The following PRKD3 variants were observed in gnomAD, a reference collection of about 807,000 sequenced individuals.
The protein encoded by PRKD3 is serine/threonine-protein kinase D3.
A neutral mutation model predicts 99.2 loss-of-function variants in PRKD3; 47 were observed. The observed-to-expected ratio is 0.47, with a 90% CI of 0.38 to 0.60. The LOEUF is 0.60. Among genes scored for constraint, PRKD3 ranks in the 20% least tolerant of loss-of-function variants. The pLI is 0.00. For synonymous variants in PRKD3, 392 were observed against 355.4 expected (o/e 1.10, Z -1.16); for missense variants, 1,019 against 1,088.4 (o/e 0.94, Z 0.90).
rs545818208 is a variant in PRKD3 at position 37,297,654 on chromosome 2, A to G, written c.289-4383T>C. On this transcript the variant is annotated intron_variant, in intron 2 of 18. Coordinates refer to ENST00000234179, the MANE Select transcript of PRKD3 (RefSeq NM_005813.6). ...TCTCAGACTTTGCTGGATTTTAACA[A>G]TCTTGGCTGTTTTGAGAAGTTCTGG... Among the ~76,000 whole-genome samples, 27 of 152,302 alleles carry G rather than the reference A, an allele frequency of 1.8e-4. 2 individuals carry two copies. The South Asian group carries it at 5.6e-3, about 32-fold the overall frequency.
intron 2 of PRKD3, among the ~76,000 whole-genome samples, chr2:37,312,488 G>C (rs547916979): frequency 6.6e-6 from 1 of 152,270 alleles, no homozygotes; most frequent in East Asian, 1.9e-4. Flanking sequence ...TTATAGCTCT[G>C]CCTTCTTGTT....
intron 6 of PRKD3, among the ~76,000 whole-genome samples, chr2:37,283,082 G>A (rs1466671170): frequency 6.6e-6 from 1 of 152,218 alleles, no homozygotes; most frequent in Non-Finnish European, 1.5e-5. Flanking sequence ...TCCAGCACAA[G>A]GCCTCCCACT....
chr2:37,255,419 A>G (rs564645654), intron 17 of PRKD3, among the ~76,000 whole-genome samples: 1 of 152,214 alleles, frequency 6.6e-6, no homozygotes, highest in African/African-American at 2.4e-5. Flanking sequence ...TGTTTTAAGT[A>G]GTGTACTTGT....
In PRKD3 at chr2:37,254,224, G is replaced by C. The variant is rs1292662626; in HGVS notation, c.2479C>G (p.Leu827Val). The C allele has an allele frequency of 6.2e-7, 1 of 1,611,480 alleles. No individual in the cohort carries two copies. Among genetic ancestry groups the C allele is most frequent in the African/African-American group, 1.3e-5 (1 of 74,858 alleles). Reference sequence around the variant, plus strand: ...TTTACCTGTAGCCAGGGATGACTAAGAGATTTGTCAACACTGTAACGTTTT... The same window carrying C: ...TTTACCTGTAGCCAGGGATGACTAACAGATTTGTCAACACTGTAACGTTTT... Reference protein sequence around the residue: ...MRKRYSVDKSLSHPWLQDYQT... With the variant: ...MRKRYSVDKSVSHPWLQDYQT... Residue 827 changes from leucine (L) to valine (V), a missense_variant, in exon 18 of 19, where the codon CTT (leucine) becomes GTT (valine). Physicochemically the swap from Leu to Val is conservative, Grantham distance 32. This residue lies in a region of PRKD3 where 125 missense variants were observed against 120.6 expected (regional missense o/e 1.04). Transcript: ENST00000234179.
chr2:37,270,308 T>TA (rs1669144067), intron 12 of PRKD3, among the ~76,000 whole-genome samples: 1 of 149,238 alleles, frequency 6.7e-6, no homozygotes, highest in Non-Finnish European at 1.5e-5. Flanking sequence ...AATGAAATTT[T>TA]ACCTATTTTA....
chr2:37,268,245 G>A (rs1668976230), intron 13 of PRKD3: 1 of 460,440 alleles, frequency 2.2e-6, no homozygotes, highest in South Asian at 1.6e-5. Flanking sequence ...ACAATCGTAA[G>A]TCTACTTGAA....
chr2:37,259,727 G>GGTTTACTTGTGA, intron 15 of PRKD3, 46 bp from the exon 16 acceptor site: 1 of 1,355,286 alleles, frequency 7.4e-7, no homozygotes, highest in Non-Finnish European at 1.1e-6. Flanking sequence ...AAAATCACAA[G>GGTTTACTTGTGA]TAAACCTCAT....
intron 12 of PRKD3, among the ~76,000 whole-genome samples, chr2:37,271,308 G>A (rs1353756167): frequency 3.3e-5 from 5 of 151,900 alleles, no homozygotes; most frequent in South Asian, 4.2e-4. Context: ...GTATGGCCCC[G>A]ATCTAAAAAT....
intron 5 of PRKD3, among the ~76,000 whole-genome samples, chr2:37,288,513 C>T (rs2124829245): frequency 6.6e-6 from 1 of 152,098 alleles, no homozygotes; most frequent in East Asian, 1.9e-4. Context: ...AGAGAAGTTA[C>T]AGAAAAAACT....
At chr2:37,263,599 T>C (rs1668626848) in intron 14 of PRKD3, among the ~76,000 whole-genome samples, 1 of 152,226 alleles carries the variant, frequency 6.6e-6, no homozygotes, top group African/African-American at 2.4e-5. Flanking sequence ...TCTTCCACTG[T>C]TAAAGTGGCC....
chr2:37,278,098 A>AT (rs779203428), intron 8 of PRKD3, 109 bp from the exon 9 acceptor site: 31 of 834,722 alleles, frequency 3.7e-5, no homozygotes, highest in Non-Finnish European at 5.3e-5. Flanking sequence ...ATTTTTCAAA[A>AT]TATCTTAGTA....
chr2:37,268,649 A>G (rs2300887), intron 13 of PRKD3: 27,934 of 237,450 alleles, frequency 0.12, 2,262 homozygotes, highest in East Asian at 0.34. Context: ...TTCCACAGAG[A>G]AAGCCCTTTA....
At position 37,252,009 on chromosome 2, in the gene PRKD3, T is replaced by C. The variant is rs1021831744; in HGVS notation, c.*1168A>G. On this transcript the variant is annotated 3_prime_UTR_variant, in exon 19 of 19. Transcript: ENST00000234179. ...AAATATTTTTTAAATAGCTGGCTGC[T>C]GGAGCTGAAATGTAAAAAGAAGTAC... 9.2e-5 allele frequency: 14 copies of C among 152,236 alleles called. No homozygotes were observed. The highest frequency in any genetic ancestry group is 2.6e-4 in the Admixed American group (4 of 15,280). 9.4% of individuals were successfully genotyped at this position (152,236 alleles called of 1,614,324 possible). A position where few individuals can be genotyped will look rare whatever the true frequency, so the allele number is the denominator to read the frequency against.
chr2:37,318,350 T>C (rs1203182498), intron 1 of PRKD3, among the ~76,000 whole-genome samples: 2 of 152,208 alleles, frequency 1.3e-5, no homozygotes, highest in African/African-American at 2.4e-5. Context: ...CTTTACCTCA[T>C]AACTCTTTGA....
In PRKD3 at chr2:37,264,718, G is replaced by A. The variant is rs574799755; in HGVS notation, c.1884+2712C>T. Among the ~76,000 whole-genome samples, 3 of 152,132 alleles carry A rather than the reference G, an allele frequency of 2.0e-5. No homozygotes were observed. The South Asian group carries it at 6.2e-4, about 32-fold the overall frequency. ...GTCTGGCATGTTTGAGATATAGCAA[G>A]AAAGTCAACATGGCTATTTTTGGGG... On this transcript the variant is annotated intron_variant, in intron 14 of 18. Transcript: ENST00000234179.
chr2:37,269,525 CTA>C, intron 13 of PRKD3, 88 bp downstream of exon 13: 1 of 1,168,706 alleles, frequency 8.6e-7, no homozygotes, highest in Non-Finnish European at 1.3e-6. Context: ...CTGGACAAAA[CTA>C]TGAGATGACA....
At chr2:37,282,022 G>A (rs1669878250) in intron 7 of PRKD3, among the ~76,000 whole-genome samples, 2 of 152,188 alleles carry the variant, frequency 1.3e-5, no homozygotes, top group Admixed American at 1.3e-4. Flanking sequence ...CTAATCACTA[G>A]GGACTAAGGA....
At chr2:37,281,990 C>A (rs2041836) in intron 7 of PRKD3, among the ~76,000 whole-genome samples, 48,794 of 151,960 alleles carry the variant, frequency 0.32, 8,786 homozygotes, top group East Asian at 0.44. Flanking sequence ...GAGAAAGGGA[C>A]AGTGAGGCAG....
Position 37,282,608 on chromosome 2 carries a change from T to G in PRKD3, c.922A>C (p.Asn308His). Residue 308 changes from asparagine (N) to histidine (H), a missense_variant, in exon 7 of 19, where the codon AAC (asparagine) becomes CAC (histidine). Around this residue, in one of 3 missense-constraint regions of PRKD3, gnomAD observed 710 missense variants for 692.7 expected, o/e 1.02. Transcript: ENST00000234179. Reference protein sequence around the residue: ...QGMQCKDCKFNCHKRCASKVP... With the variant: ...QGMQCKDCKFHCHKRCASKVP... ...TTTGATGCACAGCGTTTATGGCAGT[T>G]GAATTTGCAATCTAAAATGAAAATA... is the stretch of plus-strand genomic sequence containing the variant. 6.3e-7 allele frequency: 1 copy of G among 1,597,724 alleles called. No homozygotes were observed. Among genetic ancestry groups the G allele is most frequent in the East Asian group, 2.2e-5 (1 of 44,764 alleles).
Sources: gnomAD v4.1 joint callset for allele counts (sites outside exome capture counted in the v4.1 genomes callset) on GRCh38, gnomAD v4.1.1 for gene constraint, gnomAD v4.1.1 regional missense constraint, MANE v1.5 for transcripts, NCBI Gene and HGNC (gene_info 2026-07-23, HGNC 2026-07-21) for gene names.